The following KCNIP1 variants were observed in gnomAD, a reference collection of about 807,000 sequenced individuals.
KCNIP1 encodes the protein A-type potassium channel modulatory protein KCNIP1.
In KCNIP1, 18 loss-of-function variants were observed where a neutral mutation model predicts 33.0. The observed-to-expected ratio is 0.55, with a 90% CI of 0.38 to 0.81. KCNIP1 has a LOEUF of 0.81. Among genes scored for constraint, KCNIP1 ranks in the 30% least tolerant of loss-of-function variants. The pLI is 0.00. For synonymous variants in KCNIP1, 93 were observed against 98.3 expected, an observed-to-expected ratio of 0.95 and a Z score of 0.32; for missense variants, 238 against 271.6, an observed-to-expected ratio of 0.88 and a Z score of 0.87.
At chr5:170,370,098 GGAGA>G (rs958601937) in intron 1 of KCNIP1, among the ~76,000 whole-genome samples, 3 of 152,030 alleles carry the variant, frequency 2.0e-5, no homozygotes, top group Non-Finnish European at 2.9e-5. Flanking sequence ...AAGCAAGAGG[GGAGA>G]GAGAGAGGGA....
chr5:170,616,379 G>A (rs1285629376), intron 1 of KCNIP1, among the ~76,000 whole-genome samples: 2 of 152,330 alleles, frequency 1.3e-5, no homozygotes, highest in Admixed American at 6.5e-5. Context: ...TCCCATCTCC[G>A]TGGAGCTTCA....
intron 1 of KCNIP1, among the ~76,000 whole-genome samples, chr5:170,687,635 C>T (rs1264436285): frequency 3.9e-5 from 6 of 152,210 alleles, no homozygotes; most frequent in Non-Finnish European, 7.3e-5. Flanking sequence ...TGAGCCATGC[C>T]TCCTGAGGAA....
rs112282945 is a variant in KCNIP1 at position 170,551,327 on chromosome 5, T to G, written c.61+46694T>G. Among the ~76,000 whole-genome samples the G allele has an allele frequency of 1.6e-3, 245 of 152,302 alleles. 1 individual carries two copies. The highest frequency in any genetic ancestry group is 5.6e-3 in the African/African-American group (233 of 41,546). On this transcript the variant is annotated intron_variant, in intron 1 of 7. Transcript: ENST00000328939. ...TTCTAAGATTACGTTATTATCTGAG[T>G]CTGTGGTGAGGGAACATACCACATC...
intron 1 of KCNIP1, among the ~76,000 whole-genome samples, chr5:170,397,535 G>C (rs1008175912): frequency 5.3e-5 from 8 of 152,146 alleles, no homozygotes; most frequent in African/African-American, 1.9e-4. Flanking sequence ...GGGTCTGAAA[G>C]GTATGTAGGT....
At chr5:170,472,177 A>AGG (rs1289042308) in intron 1 of KCNIP1, among the ~76,000 whole-genome samples, 1 of 152,208 alleles carries the variant, frequency 6.6e-6, no homozygotes, top group African/African-American at 2.4e-5. Flanking sequence ...GAAGGAAGGC[A>AGG]TCCTCTCTGG....
At chr5:170,533,629 C>T (rs540897411) in intron 1 of KCNIP1, among the ~76,000 whole-genome samples, 10 of 152,292 alleles carry the variant, frequency 6.6e-5, no homozygotes, top group African/African-American at 1.7e-4. Flanking sequence ...CACTCAACAC[C>T]GCTAAGCCTC....
At chr5:170,648,183 G>A (rs779889897) in intron 1 of KCNIP1, among the ~76,000 whole-genome samples, 3 of 152,234 alleles carry the variant, frequency 2.0e-5, no homozygotes, top group Non-Finnish European at 4.4e-5. Flanking sequence ...TCGTGGGACT[G>A]TGCAAAACAG....
Position 170,485,215 on chromosome 5 carries a change from T to C in KCNIP1, c.88+131251T>C, listed in dbSNP as rs146669489. On this transcript the variant is annotated intron_variant, in intron 1 of 7. Transcript: ENST00000377360. The stretch of plus-strand genomic sequence containing the variant: ...TCGGCCTCTCAAAGTGCCAGGATTA[T>C]AGGTGTAAGCCACCGCACCCAGCCA... 5.6e-3 allele frequency among the ~76,000 whole-genome samples: 846 copies of C among 152,294 alleles called. 7 individuals carry two copies. The highest frequency in any genetic ancestry group is 0.019 in the African/African-American group (800 of 41,576).
At chr5:170,510,197 T>A (rs1400584109) in intron 1 of KCNIP1, among the ~76,000 whole-genome samples, 1 of 152,166 alleles carries the variant, frequency 6.6e-6, no homozygotes, top group Non-Finnish European at 1.5e-5. Flanking sequence ...CTTCTCTCTT[T>A]CCCCATAGCT....
At chr5:170,619,071 G>A (rs1444237437) in intron 1 of KCNIP1, among the ~76,000 whole-genome samples, 1 of 152,236 alleles carries the variant, frequency 6.6e-6, no homozygotes, top group African/African-American at 2.4e-5. Context: ...ATAAACAGCT[G>A]TTGAAGAGAC....
At chr5:170,621,154 A>G (rs1759586409) in intron 1 of KCNIP1, among the ~76,000 whole-genome samples, 1 of 152,216 alleles carries the variant, frequency 6.6e-6, no homozygotes, top group East Asian at 1.9e-4. Context: ...CGATTTTCCC[A>G]TCTGCAAAAT....
chr5:170,503,736 A>ACACACACACACGCACGCACAT (rs1754557806), upstream of KCNIP1, among the ~76,000 whole-genome samples: 2 of 116,958 alleles, frequency 1.7e-5, no homozygotes, highest in Non-Finnish European at 3.9e-5. Flanking sequence ...ACACACACAC[A>ACACACACACACGCACGCACAT]CACACACACA....
At chr5:170,357,711 A>C (rs1237608310) in intron 1 of KCNIP1, among the ~76,000 whole-genome samples, 1 of 152,180 alleles carries the variant, frequency 6.6e-6, no homozygotes, top group Non-Finnish European at 1.5e-5. Flanking sequence ...GACTGTTTAT[A>C]GAGACAGGGT....
At chr5:170,552,884 G>C (rs544357188) in intron 1 of KCNIP1, among the ~76,000 whole-genome samples, 2 of 152,194 alleles carry the variant, frequency 1.3e-5, no homozygotes, top group Non-Finnish European at 2.9e-5. Context: ...TGACGCTGAC[G>C]ATGAGTGGGG....
In KCNIP1 at chr5:170,579,194, C is replaced by G. The variant is rs969008927; in HGVS notation, c.61+74561C>G. On this transcript the variant is annotated intron_variant, in intron 1 of 7. Transcript: ENST00000328939. ...CACTTTCTCTTAAAGTCACAGCAGC[C>G]TCAGAATGTATTACATACATAAGAA... Among the ~76,000 whole-genome samples, 5 of 152,156 alleles carry G rather than the reference C, an allele frequency of 3.3e-5. No homozygotes were observed. In the East Asian group the frequency reaches 7.7e-4, roughly 23 times the overall value.
chr5:170,402,987 T>C (rs912968298), intron 1 of KCNIP1, among the ~76,000 whole-genome samples: 1 of 152,242 alleles, frequency 6.6e-6, no homozygotes, highest in Non-Finnish European at 1.5e-5. Context: ...GTGCCCCTCG[T>C]TCACGTACGC....
At chr5:170,446,193 T>C (rs1338365573) in intron 1 of KCNIP1, among the ~76,000 whole-genome samples, 1 of 152,134 alleles carries the variant, frequency 6.6e-6, no homozygotes, top group East Asian at 1.9e-4. Context: ...CGGGATATGT[T>C]CTCCCCTTTT....
At chr5:170,415,143 C>G (rs532815106) in intron 1 of KCNIP1, among the ~76,000 whole-genome samples, 1 of 152,132 alleles carries the variant, frequency 6.6e-6, no homozygotes, top group Non-Finnish European at 1.5e-5. Flanking sequence ...GATAATCAAT[C>G]GGGATAACCC....
intron 1 of KCNIP1, among the ~76,000 whole-genome samples, chr5:170,354,948 G>A (rs946815933): frequency 1.3e-5 from 2 of 152,198 alleles, no homozygotes; most frequent in Non-Finnish European, 2.9e-5. Context: ...AATATTCAGG[G>A]AAGGAGCCCA....
Sources: allele counts gnomAD v4.1 joint callset (sites outside exome capture counted in the v4.1 genomes callset), GRCh38; gene constraint gnomAD v4.1.1; transcripts MANE v1.5; gene names NCBI Gene and HGNC (gene_info 2026-07-23, HGNC 2026-07-21).